BCAT1: variants seen among roughly 807,000 people sequenced by gnomAD.
BCAT1 encodes branched-chain-amino-acid aminotransferase, cytosolic.
Under a neutral mutation model 52.4 loss-of-function variants are expected in BCAT1, and 48 were observed. The ratio of observed to expected loss-of-function variants is 0.92; its 90% confidence interval spans 0.73 to 1.16. The LOEUF (loss-of-function observed/expected upper bound fraction) is 1.16. BCAT1 is among the 50% of genes most tolerant of loss of function. BCAT1 has a pLI of 0.00. For synonymous variants in BCAT1, 167 were observed against 161.3 expected, an observed-to-expected ratio of 1.04 and a Z score of -0.27; for missense variants, 451 against 457.1, an observed-to-expected ratio of 0.99 and a Z score of 0.12.
At chr12:24,911,095 G>A (rs1943317799) in intron 1 of BCAT1, among the ~76,000 whole-genome samples, 1 of 147,950 alleles carries the variant, frequency 6.8e-6, no homozygotes, top group Admixed American at 6.8e-5. Flanking sequence ...GAGTGAGACT[G>A]TCTTAAAAAA....
At chr12:24,857,663 C>A (rs558140329) in intron 5 of BCAT1, among the ~76,000 whole-genome samples, 5 of 152,278 alleles carry the variant, frequency 3.3e-5, no homozygotes, top group African/African-American at 9.6e-5. Flanking sequence ...GAGGGAGCAC[C>A]ACAGGCTCCA....
intron 9 of BCAT1, among the ~76,000 whole-genome samples, chr12:24,831,477 C>T (rs959113539): frequency 6.6e-6 from 1 of 152,048 alleles, no homozygotes. Context: ...CTTGAAACCC[C>T]GTCTCTACAA....
chr12:24,869,313 G>A (rs145830850), intron 5 of BCAT1, among the ~76,000 whole-genome samples: 52 of 152,252 alleles, frequency 3.4e-4, no homozygotes, highest in African/African-American at 1.2e-3. Context: ...AGCCACAGAC[G>A]GTCACACCAT....
At chr12:24,925,866 G>A (rs1943571240) in intron 1 of BCAT1, among the ~76,000 whole-genome samples, 1 of 152,252 alleles carries the variant, frequency 6.6e-6, no homozygotes, top group African/African-American at 2.4e-5. Flanking sequence ...TGCCGGGATT[G>A]CAGACGGAGT....
intron 5 of BCAT1, among the ~76,000 whole-genome samples, chr12:24,875,051 A>G (rs887180561): frequency 6.6e-6 from 1 of 152,130 alleles, no homozygotes; most frequent in African/African-American, 2.4e-5. Context: ...TGAGCTTGCA[A>G]TTATACTATG....
chr12:24,891,173 CAGCACATAAGA>C (rs1276066560), intron 3 of BCAT1, among the ~76,000 whole-genome samples: 3 of 152,158 alleles, frequency 2.0e-5, no homozygotes, highest in Admixed American at 2.0e-4. Flanking sequence ...GGCCCTAGGT[CAGCACATAAGA>C]AGGCTGCCTA....
chr12:24,867,251 G>T (rs1467540229), intron 5 of BCAT1, among the ~76,000 whole-genome samples: 1 of 151,996 alleles, frequency 6.6e-6, no homozygotes, highest in Non-Finnish European at 1.5e-5. Flanking sequence ...TTACCGCGAG[G>T]GTCCATGGCT....
chr12:24,927,456 A>G (rs2139735250), intron 1 of BCAT1, among the ~76,000 whole-genome samples: 1 of 152,384 alleles, frequency 6.6e-6, no homozygotes, highest in East Asian at 1.9e-4. Context: ...AGTGACTCCA[A>G]TTAAACATGG....
chr12:24,827,507 A>G (rs1940453113), intron 10 of BCAT1, among the ~76,000 whole-genome samples: 1 of 152,172 alleles, frequency 6.6e-6, no homozygotes. Context: ...AACCACAATC[A>G]AGGCCAGGGT....
At chr12:24,906,246 C>G (rs1943223484) in intron 1 of BCAT1, among the ~76,000 whole-genome samples, 2 of 151,738 alleles carry the variant, frequency 1.3e-5, no homozygotes, top group Admixed American at 1.3e-4. Context: ...AGAGAAGTGC[C>G]AAGGAGGCCT....
intron 8 of BCAT1, among the ~76,000 whole-genome samples, 158 bp from the exon 9 acceptor site, chr12:24,833,021 GAAC>G (rs1940751831): frequency 1.3e-5 from 2 of 152,180 alleles, no homozygotes; most frequent in African/African-American, 4.8e-5. Context: ...TCTTACTGGT[GAAC>G]ACATCGAGGT....
intron 1 of BCAT1, among the ~76,000 whole-genome samples, chr12:24,908,198 C>A (rs1555114785): frequency 6.6e-6 from 1 of 151,968 alleles, no homozygotes; most frequent in Admixed American, 6.5e-5. Flanking sequence ...TCCTTTTTTC[C>A]TATTTTCTGC....
intron 1 of BCAT1, among the ~76,000 whole-genome samples, chr12:24,910,679 G>A (rs572231062): frequency 5.9e-5 from 9 of 152,180 alleles, no homozygotes; most frequent in Non-Finnish European, 1.3e-4. Flanking sequence ...CAAGTAATCA[G>A]TAATGACAGT....
At chr12:24,828,529 CAAT>C (rs1476660200) in intron 10 of BCAT1, among the ~76,000 whole-genome samples, 3 of 151,672 alleles carry the variant, frequency 2.0e-5, no homozygotes, top group African/African-American at 7.3e-5. Context: ...CATAAATGTT[CAAT>C]AATATAATTT....
Position 24,813,710 on chromosome 12 carries a change from T to C in BCAT1, c.*4298A>G, listed in dbSNP as rs1010333390. Reference sequence around the variant, plus strand: ...AAACACCAACCTTATTAAGTAGTTTTGCACTAGAAGAAAGGAAGGAATTAA... The same window carrying C: ...AAACACCAACCTTATTAAGTAGTTTCGCACTAGAAGAAAGGAAGGAATTAA... On this transcript the variant is annotated 3_prime_UTR_variant, in exon 11 of 11. Transcript: ENST00000261192. 1.3e-5 allele frequency: 2 copies of C among 152,090 alleles called. No individual in the cohort carries two copies. Among genetic ancestry groups the C allele is most frequent in the Non-Finnish European group, 2.9e-5 (2 of 67,940 alleles). 9.4% of individuals were successfully genotyped at this position (152,090 alleles called of 1,614,324 possible). A position where few individuals can be genotyped will look rare whatever the true frequency, so the allele number is the denominator to read the frequency against.
intron 5 of BCAT1, among the ~76,000 whole-genome samples, chr12:24,859,556 G>A (rs540582026): frequency 9.4e-5 from 14 of 149,092 alleles, no homozygotes; most frequent in South Asian, 2.1e-4. Flanking sequence ...GGGAGACGGA[G>A]CTTGCAGTGA....
chr12:24,877,091 G>A (rs1309553811), intron 5 of BCAT1, among the ~76,000 whole-genome samples: 2 of 152,146 alleles, frequency 1.3e-5, no homozygotes, highest in African/African-American at 2.4e-5. Flanking sequence ...ATCCTTACAC[G>A]GCTTTCGAAA....
rs557601277 is a variant in BCAT1, at chr12:24,812,160, C to A, written c.*5848G>T. The A allele has an allele frequency of 1.3e-5, 2 of 152,226 alleles. No individual in the cohort carries two copies. The highest frequency in any genetic ancestry group is 3.9e-4 in the East Asian group (2 of 5,190). The allele number at this position is 152,226 out of a possible 1,614,324, so 9.4% of individuals were successfully genotyped here. A position where few individuals can be genotyped will look rare whatever the true frequency, so the allele number is the denominator to read the frequency against. On this transcript the variant is annotated 3_prime_UTR_variant, in exon 11 of 11. Coordinates refer to ENST00000261192, the MANE Select transcript of BCAT1 (RefSeq NM_005504.7). Reference sequence around the variant, plus strand: ...TTGAGGCAGAAATTTACATTCCTTTCTTAACCCTGAGAATGAGTTTAATGA... The same window carrying A: ...TTGAGGCAGAAATTTACATTCCTTTATTAACCCTGAGAATGAGTTTAATGA...
At chr12:24,912,042 C>T (rs559527374) in intron 1 of BCAT1, among the ~76,000 whole-genome samples, 1 of 152,116 alleles carries the variant, frequency 6.6e-6, no homozygotes, top group South Asian at 2.1e-4. Context: ...ACCTAAATAG[C>T]TTTTAAGAGT....
Sources: gnomAD v4.1 joint callset for allele counts (sites outside exome capture counted in the v4.1 genomes callset) on GRCh38, gnomAD v4.1.1 for gene constraint, MANE v1.5 for transcripts, NCBI Gene and HGNC (gene_info 2026-07-23, HGNC 2026-07-21) for gene names.